Variants in SNTG1 observed in about 807,000 individuals in gnomAD.
SNTG1 encodes syntrophin gamma 1, also known as gamma-1-syntrophin.
In SNTG1, 39 loss-of-function variants were observed where a neutral mutation model predicts 74.7. That is an observed-to-expected ratio of 0.52 (90% CI 0.40 to 0.68). The LOEUF (loss-of-function observed/expected upper bound fraction) is 0.68, where lower values mean the gene tolerates loss of function less well. Among genes scored for constraint, SNTG1 ranks in the 30% least tolerant of loss-of-function variants. The probability of loss-of-function intolerance (pLI) is 0.00; values close to 1 mark genes in which losing one functional copy is unlikely to be tolerated. For missense variants in SNTG1, 685 were observed against 609.5 expected, an observed-to-expected ratio of 1.12 and a Z score of -1.30; for synonymous variants, 254 against 217.1, an observed-to-expected ratio of 1.17 and a Z score of -1.49.
At chr8:50,764,926 A>G (rs1419384032) in intron 18 of SNTG1, among the ~76,000 whole-genome samples, 1 of 152,074 alleles carries the variant, frequency 6.6e-6, no homozygotes, top group Non-Finnish European at 1.5e-5. Flanking sequence ...GTATATGTAT[A>G]CATAATGGAA....
At chr8:50,132,020 T>A (rs530125164) in intron 1 of SNTG1, among the ~76,000 whole-genome samples, 30 of 152,256 alleles carry the variant, frequency 2.0e-4, no homozygotes, top group Middle Eastern at 6.8e-3. Context: ...GTTTTCTATT[T>A]CATTCCATCA....
At chr8:50,150,008 G>A (rs911697138) in intron 1 of SNTG1, among the ~76,000 whole-genome samples, 1 of 152,082 alleles carries the variant, frequency 6.6e-6, no homozygotes, top group Non-Finnish European at 1.5e-5. Context: ...TCACGATATT[G>A]ATTTTTCCTA....
intron 1 of SNTG1, among the ~76,000 whole-genome samples, chr8:50,079,738 G>T (rs1200606788): frequency 6.6e-6 from 1 of 152,062 alleles, no homozygotes; most frequent in Non-Finnish European, 1.5e-5. Context: ...GTTAATTTTT[G>T]TATAAGTATA....
rs142965705 is a variant in SNTG1, at chr8:50,707,848, A to T, written c.1192-1038A>T. 4.5e-3 allele frequency: 1,748 copies of T among 384,298 alleles called. 32 individuals are homozygous for T. The highest frequency in any genetic ancestry group is 0.032 in the African/African-American group (1,540 of 48,346). The allele number at this position is 384,298 out of a possible 1,614,324, so 23.8% of individuals were successfully genotyped here. On this transcript the variant is annotated intron_variant, in intron 16 of 18. Coordinates refer to ENST00000642720, the MANE Select transcript of SNTG1 (RefSeq NM_018967.5). ...TACATCATGTCGTATATAAACCTTA[A>T]GTTTTTATTTCATATTTGATTTATA...
chr8:50,787,615 G>A (rs1227002634), intron 18 of SNTG1, among the ~76,000 whole-genome samples: 4 of 152,008 alleles, frequency 2.6e-5, no homozygotes, highest in Non-Finnish European at 4.4e-5. Context: ...TGTTCAACAG[G>A]TGATGAATGG....
chr8:49,974,586 G>C (rs1812015735), intron 1 of SNTG1, among the ~76,000 whole-genome samples: 1 of 152,094 alleles, frequency 6.6e-6, no homozygotes, highest in South Asian at 2.1e-4. Context: ...CTAGGAATTG[G>C]AAGAACATAG....
chr8:50,228,715 A>G (rs1379584770), intron 2 of SNTG1, among the ~76,000 whole-genome samples: 3 of 151,822 alleles, frequency 2.0e-5, no homozygotes, highest in Non-Finnish European at 4.4e-5. Flanking sequence ...ATAAATAAAG[A>G]CCTTCTTAGA....
At chr8:50,393,510 C>T (rs999997189) in intron 2 of SNTG1, among the ~76,000 whole-genome samples, 1 of 151,962 alleles carries the variant, frequency 6.6e-6, no homozygotes, top group African/African-American at 2.4e-5. Flanking sequence ...GTCAACTTTC[C>T]GTGACATATC....
intron 18 of SNTG1, among the ~76,000 whole-genome samples, chr8:50,769,796 C>G (rs959099307): frequency 6.6e-6 from 1 of 151,922 alleles, no homozygotes; most frequent in African/African-American, 2.4e-5. Flanking sequence ...TATTGAGATA[C>G]AAATCTCTTA....
At chr8:50,340,726 A>T (rs1160951885) in intron 2 of SNTG1, among the ~76,000 whole-genome samples, 1 of 151,890 alleles carries the variant, frequency 6.6e-6, no homozygotes, top group Non-Finnish European at 1.5e-5. Flanking sequence ...AAAACTGAAA[A>T]ATTGGACTTC....
intron 13 of SNTG1, among the ~76,000 whole-genome samples, chr8:50,616,186 A>G (rs1423786790): frequency 6.6e-6 from 1 of 152,240 alleles, no homozygotes; most frequent in East Asian, 1.9e-4. Flanking sequence ...CTACGGTTTG[A>G]CCAAACAGCT....
chr8:50,548,845 T>C (rs1044320818), intron 11 of SNTG1, among the ~76,000 whole-genome samples: 5 of 152,184 alleles, frequency 3.3e-5, no homozygotes, highest in Non-Finnish European at 2.9e-5. Flanking sequence ...AACTGGTATT[T>C]TTAACGGATT....
intron 13 of SNTG1, among the ~76,000 whole-genome samples, chr8:50,622,376 G>A (rs906460728): frequency 2.6e-5 from 4 of 152,046 alleles, no homozygotes; most frequent in African/African-American, 9.7e-5. Flanking sequence ...AACAGTTAAT[G>A]TTTAATAACA....
chr8:50,458,831 A>G (rs1363481478), intron 8 of SNTG1, among the ~76,000 whole-genome samples: 6 of 152,170 alleles, frequency 3.9e-5, no homozygotes, highest in African/African-American at 1.4e-4. Flanking sequence ...AGTCAGATAT[A>G]CAATTCGCAA....
chr8:50,611,515 G>T (rs565262901), intron 13 of SNTG1, among the ~76,000 whole-genome samples: 1 of 151,930 alleles, frequency 6.6e-6, no homozygotes, highest in African/African-American at 2.4e-5. Context: ...TTTTTATTCA[G>T]AAAAAAGGCA....
intron 15 of SNTG1, among the ~76,000 whole-genome samples, chr8:50,683,365 T>C (rs551650408): frequency 6.6e-6 from 1 of 152,300 alleles, no homozygotes; most frequent in Non-Finnish European, 1.5e-5. Context: ...CTAATGGGAC[T>C]GGGATGGAAT....
intron 8 of SNTG1, among the ~76,000 whole-genome samples, chr8:50,489,192 G>A (rs958015093): frequency 6.6e-6 from 1 of 152,074 alleles, no homozygotes; most frequent in African/African-American, 2.4e-5. Context: ...GGACATTTGG[G>A]TTGGCTCTGT....
At chr8:50,724,192 A>G (rs2095494575) in intron 17 of SNTG1, among the ~76,000 whole-genome samples, 1 of 152,210 alleles carries the variant, frequency 6.6e-6, no homozygotes, top group Non-Finnish European at 1.5e-5. Context: ...GATATCAGAA[A>G]CAGGAAGGGT....
At chr8:50,095,214 C>T (rs1331385018) in intron 1 of SNTG1, among the ~76,000 whole-genome samples, 1 of 151,536 alleles carries the variant, frequency 6.6e-6, no homozygotes, top group Non-Finnish European at 1.5e-5. Context: ...ACTATGCTCA[C>T]TACCTGGGTG....
Sources: allele counts gnomAD v4.1 joint callset (sites outside exome capture counted in the v4.1 genomes callset), GRCh38; gene constraint gnomAD v4.1.1; transcripts MANE v1.5; gene names NCBI Gene and HGNC (gene_info 2026-07-23, HGNC 2026-07-21).